Variants in SDCCAG8 observed in about 807,000 individuals in gnomAD.
SDCCAG8 encodes serologically defined colon cancer antigen 8.
In SDCCAG8, 74 loss-of-function variants were observed where a neutral mutation model predicts 101.8. The ratio of observed to expected loss-of-function variants is 0.73; its 90% CI spans 0.60 to 0.88. The LOEUF (loss-of-function observed/expected upper bound fraction) is 0.88, where lower values mean the gene tolerates loss of function less well. Among genes scored for constraint, SDCCAG8 ranks in the 40% least tolerant of loss-of-function variants. The pLI, the probability that SDCCAG8 is intolerant of heterozygous loss-of-function variation, is 0.00. For synonymous variants in SDCCAG8, 281 were observed against 292.9 expected, an observed-to-expected ratio of 0.96 and a Z score of 0.41; for missense variants, 787 against 822.6, an observed-to-expected ratio of 0.96 and a Z score of 0.53.
intron 16 of SDCCAG8, among the ~76,000 whole-genome samples, chr1:243,468,731 A>T (rs1261086463): frequency 6.6e-6 from 1 of 152,254 alleles, no homozygotes; most frequent in African/African-American, 2.4e-5. Context: ...CAAAGCATTT[A>T]GTACAGTAAC....
chr1:243,382,727 A>G (rs1486082597), intron 13 of SDCCAG8, among the ~76,000 whole-genome samples: 1 of 152,200 alleles, frequency 6.6e-6, no homozygotes, highest in African/African-American at 2.4e-5. Flanking sequence ...AGAAGAGATG[A>G]CTGGCAGGGA....
chr1:243,340,042 C>T (rs1217398362), intron 10 of SDCCAG8, among the ~76,000 whole-genome samples: 2 of 152,190 alleles, frequency 1.3e-5, no homozygotes, highest in Non-Finnish European at 2.9e-5. Flanking sequence ...AATCTAAGAT[C>T]TAGAAAGCAT....
chr1:243,441,477 C>G (rs2082531267), intron 16 of SDCCAG8, among the ~76,000 whole-genome samples: 1 of 152,162 alleles, frequency 6.6e-6, no homozygotes, highest in Non-Finnish European at 1.5e-5. Context: ...AGAATACTCT[C>G]TTCATTTCTA....
intron 10 of SDCCAG8, among the ~76,000 whole-genome samples, chr1:243,331,920 G>A (rs745776877): frequency 5.9e-5 from 9 of 152,196 alleles, no homozygotes; most frequent in Non-Finnish European, 8.8e-5. Context: ...GTGAGTTTTC[G>A]ATCATCATTG....
intron 7 of SDCCAG8, chr1:243,307,528 T>C (rs1304005554): frequency 1.0e-6 from 1 of 984,112 alleles, no homozygotes; most frequent in East Asian, 1.1e-4. Flanking sequence ...ATGTGAACTT[T>C]TAAGACACTC....
At chr1:243,346,658 C>G (rs2075727097) in intron 12 of SDCCAG8, among the ~76,000 whole-genome samples, 1 of 152,140 alleles carries the variant, frequency 6.6e-6, no homozygotes, top group Admixed American at 6.5e-5. Context: ...TCGCTTCCAC[C>G]CACTTTCTTC....
intron 9 of SDCCAG8, among the ~76,000 whole-genome samples, chr1:243,326,175 A>G (rs1182487433): frequency 6.6e-6 from 1 of 152,246 alleles, no homozygotes. Context: ...CCAATTTGCT[A>G]AGACCTATCC....
Position 243,442,439 on chromosome 1 carries a change from T to C in SDCCAG8, c.1985+15881T>C, listed in dbSNP as rs563420726. Among the ~76,000 whole-genome samples, 23 of 152,164 alleles carry C rather than the reference T, an allele frequency of 1.5e-4. No homozygotes were observed. The South Asian group carries it at 4.6e-3, about 30-fold the overall frequency. ...GCAGTAACTACGTGGCATGTGGCTG[T>C]GATGCGTCTACAGCCAACCTCCTGG... On this transcript the variant is annotated intron_variant, in intron 16 of 17. Coordinates refer to ENST00000366541, the MANE Select transcript of SDCCAG8 (RefSeq NM_006642.5).
At chr1:243,300,288 C>G (rs2071377278) in intron 6 of SDCCAG8, among the ~76,000 whole-genome samples, 2 of 151,880 alleles carry the variant, frequency 1.3e-5, no homozygotes, top group Admixed American at 1.3e-4. Context: ...TATTTTTCTC[C>G]CCTATATCTA....
intron 6 of SDCCAG8, among the ~76,000 whole-genome samples, chr1:243,301,982 TCA>T (rs2071555756): frequency 6.6e-6 from 1 of 152,144 alleles, no homozygotes; most frequent in Non-Finnish European, 1.5e-5. Flanking sequence ...GTGTGGTGGC[TCA>T]CACTTGTAAT....
At chr1:243,322,918 C>T (rs971463534) in intron 9 of SDCCAG8, among the ~76,000 whole-genome samples, 22 of 151,934 alleles carry the variant, frequency 1.4e-4, no homozygotes, top group African/African-American at 3.9e-4. Flanking sequence ...AGGCAGATCA[C>T]GAGGTCAAGA....
At chr1:243,424,078 T>C (rs1369990316) in intron 15 of SDCCAG8, among the ~76,000 whole-genome samples, 2 of 152,148 alleles carry the variant, frequency 1.3e-5, no homozygotes, top group African/African-American at 4.8e-5. Flanking sequence ...CTTCTGTAGA[T>C]ATTTTCAATA....
chr1:243,372,212 A>G (rs1013209134), intron 12 of SDCCAG8, among the ~76,000 whole-genome samples: 4 of 152,102 alleles, frequency 2.6e-5, no homozygotes, highest in Admixed American at 1.3e-4. Context: ...ATAAATTCAC[A>G]TTGTCAAAAT....
At chr1:243,436,248 C>A (rs1382251081) in intron 16 of SDCCAG8, among the ~76,000 whole-genome samples, 1 of 151,638 alleles carries the variant, frequency 6.6e-6, no homozygotes, top group Admixed American at 6.6e-5. Flanking sequence ...GGAAGGGGTC[C>A]CGAGCGGGTT....
At position 243,362,406 on chromosome 1, in the gene SDCCAG8, T is replaced by C. The variant is rs578178527; in HGVS notation, c.1474-16315T>C. Among the ~76,000 whole-genome samples, 34 of 152,186 alleles carry C rather than the reference T, an allele frequency of 2.2e-4. No individual in the cohort carries two copies. The South Asian group carries it at 7.1e-3, about 32-fold the overall frequency. On this transcript the variant is annotated intron_variant, in intron 12 of 17. Transcript: ENST00000366541. ...CTGGATGGATAGGTAGGTGAAGAGA[T>C]GGCCAAGTGACTGCCTCAAGTAAAT...
intron 12 of SDCCAG8, among the ~76,000 whole-genome samples, chr1:243,347,793 T>C (rs1345932437): frequency 4.6e-5 from 7 of 152,054 alleles, no homozygotes; most frequent in Admixed American, 1.3e-4. Flanking sequence ...GATGCAGAAA[T>C]AGAGTTTTTT....
intron 10 of SDCCAG8, among the ~76,000 whole-genome samples, chr1:243,337,558 C>T (rs918111415): frequency 6.6e-6 from 1 of 152,182 alleles, no homozygotes; most frequent in Non-Finnish European, 1.5e-5. Flanking sequence ...CCAGCTTGAC[C>T]TTTCTGTGAC....
intron 15 of SDCCAG8, among the ~76,000 whole-genome samples, chr1:243,421,922 CCCACG>C (rs2081035251): frequency 6.6e-6 from 1 of 152,108 alleles, no homozygotes; most frequent in Non-Finnish European, 1.5e-5. Context: ...GTTCTCTCTC[CCCACG>C]CGCTTAGATG....
chr1:243,449,888 A>G (rs1457559999), intron 16 of SDCCAG8, among the ~76,000 whole-genome samples: 3 of 152,072 alleles, frequency 2.0e-5, no homozygotes, highest in Non-Finnish European at 4.4e-5. Flanking sequence ...CCATCTTGGG[A>G]TTCTGTCTTT....
Sources: allele counts gnomAD v4.1 joint callset (sites outside exome capture counted in the v4.1 genomes callset), GRCh38; gene constraint gnomAD v4.1.1; transcripts MANE v1.5; gene names NCBI Gene and HGNC (gene_info 2026-07-23, HGNC 2026-07-21).